Variants in HACD2 observed in about 807,000 individuals in gnomAD.
The protein encoded by HACD2 is 3-hydroxyacyl-CoA dehydratase 2.
A neutral mutation model predicts 31.0 loss-of-function variants in HACD2; 15 were observed. The observed-to-expected ratio is 0.48, with a 90% CI of 0.32 to 0.75. The LOEUF is 0.75. Ranked by LOEUF, HACD2 falls within the 30% of genes least tolerant of loss-of-function variation. The probability of loss-of-function intolerance (pLI) is 0.03; values close to 1 mark genes in which losing one functional copy is unlikely to be tolerated. For missense variants in HACD2, 283 were observed against 313.0 expected (o/e 0.90, Z 0.72); for synonymous variants, 115 against 122.2 (o/e 0.94, Z 0.39).
At chr3:123,567,416 A>T (rs949217815) in intron 3 of HACD2, among the ~76,000 whole-genome samples, 3 of 152,212 alleles carry the variant, frequency 2.0e-5, no homozygotes, top group African/African-American at 7.2e-5. Context: ...CATTTAAGTG[A>T]TCACAGAGAG....
intron 3 of HACD2, among the ~76,000 whole-genome samples, chr3:123,561,247 C>T (rs570023675): frequency 9.9e-5 from 15 of 152,182 alleles, no homozygotes; most frequent in Middle Eastern, 3.4e-3. Flanking sequence ...TGGAGCCATA[C>T]GCTACCGATG....
intron 1 of HACD2, among the ~76,000 whole-genome samples, chr3:123,582,966 C>T (rs1001161235): frequency 6.6e-6 from 1 of 152,056 alleles, no homozygotes; most frequent in Non-Finnish European, 1.5e-5. Flanking sequence ...ATTTTTGTTC[C>T]ACTGTCCTTC....
intron 3 of HACD2, among the ~76,000 whole-genome samples, chr3:123,550,478 G>T (rs1430594182): frequency 6.6e-6 from 1 of 152,162 alleles, no homozygotes; most frequent in Non-Finnish European, 1.5e-5. Flanking sequence ...AAGAGGCTTT[G>T]TTTTTTGTTT....
intron 3 of HACD2, among the ~76,000 whole-genome samples, chr3:123,557,398 T>C (rs984385436): frequency 1.3e-5 from 2 of 152,188 alleles, no homozygotes; most frequent in Non-Finnish European, 1.5e-5. Context: ...CCTTAAAAGA[T>C]ACTTTACCAG....
At chr3:123,528,505 T>A in intron 3 of HACD2, 31 bp from the exon 4 acceptor site, 1 of 1,217,432 alleles carries the variant, frequency 8.2e-7, no homozygotes, top group Middle Eastern at 2.0e-4. Context: ...GATAAATAAA[T>A]GTACTGTACT....
At chr3:123,560,594 T>C (rs983405935) in intron 3 of HACD2, among the ~76,000 whole-genome samples, 15 of 152,166 alleles carry the variant, frequency 9.9e-5, no homozygotes, top group Middle Eastern at 3.2e-3. Context: ...TAAATCTGAA[T>C]AAGAAATGTT....
chr3:123,537,884 AATC>A (rs141561852), intron 3 of HACD2, among the ~76,000 whole-genome samples: 14,851 of 152,192 alleles, frequency 0.098, 1,020 homozygotes, highest in African/African-American at 0.2. Flanking sequence ...AAATTAAAAA[AATC>A]ATTATTCTTA....
chr3:123,521,151 C>A (rs2056209636), intron 4 of HACD2, among the ~76,000 whole-genome samples: 1 of 152,064 alleles, frequency 6.6e-6, no homozygotes, highest in Admixed American at 6.5e-5. Context: ...ACAAGCTTGT[C>A]AAAAATTTCA....
chr3:123,525,706 C>T (rs1410364958), intron 4 of HACD2, among the ~76,000 whole-genome samples: 1 of 152,090 alleles, frequency 6.6e-6, no homozygotes, highest in Non-Finnish European at 1.5e-5. Flanking sequence ...AATTCTTGTC[C>T]ACTTTAGAGG....
chr3:123,498,173 G>A (rs868758851), intron 6 of HACD2, among the ~76,000 whole-genome samples: 3 of 152,220 alleles, frequency 2.0e-5, no homozygotes, highest in Non-Finnish European at 4.4e-5. Context: ...GGTAGTCTGT[G>A]TGCCATCTTG....
At chr3:123,540,527 G>T (rs1484295939) in intron 3 of HACD2, among the ~76,000 whole-genome samples, 3 of 152,152 alleles carry the variant, frequency 2.0e-5, no homozygotes, top group Non-Finnish European at 4.4e-5. Context: ...TGAAAAAGAT[G>T]AAAATGTGAA....
chr3:123,569,111 T>C (rs770673516), intron 2 of HACD2, among the ~76,000 whole-genome samples: 1 of 152,116 alleles, frequency 6.6e-6, no homozygotes, highest in Non-Finnish European at 1.5e-5. Context: ...GTGGGGAGAT[T>C]GGATTAAAAA....
At chr3:123,528,606 G>A (rs565786448) in intron 3 of HACD2, 132 bp from the exon 4 acceptor site, 1 of 616,842 alleles carries the variant, frequency 1.6e-6, no homozygotes, top group Non-Finnish European at 2.9e-6. Context: ...TGTCTATATT[G>A]TTACACAGAC....
At chr3:123,562,233 C>G (rs2056737144) in intron 3 of HACD2, among the ~76,000 whole-genome samples, 1 of 152,174 alleles carries the variant, frequency 6.6e-6, no homozygotes, top group Non-Finnish European at 1.5e-5. Flanking sequence ...ATTATCAATA[C>G]AAAACAAACC....
intron 3 of HACD2, among the ~76,000 whole-genome samples, chr3:123,567,201 C>T (rs1459895648): frequency 3.3e-5 from 5 of 152,122 alleles, no homozygotes; most frequent in African/African-American, 1.2e-4. Context: ...AGACGTTATG[C>T]CTCTATTCCA....
intron 3 of HACD2, among the ~76,000 whole-genome samples, chr3:123,546,354 CT>C (rs1266918286): frequency 1.3e-5 from 2 of 152,190 alleles, no homozygotes; most frequent in African/African-American, 4.8e-5. Context: ...TGCTTACCCA[CT>C]ATACAATGTC....
chr3:123,521,439 C>T (rs1352259114), intron 4 of HACD2, among the ~76,000 whole-genome samples: 1 of 152,130 alleles, frequency 6.6e-6, no homozygotes, highest in Non-Finnish European at 1.5e-5. Flanking sequence ...GGATATTTTT[C>T]TCTGGGGCTC....
intron 2 of HACD2, among the ~76,000 whole-genome samples, chr3:123,575,639 C>T (rs1300313730): frequency 1.3e-5 from 2 of 152,200 alleles, no homozygotes; most frequent in Non-Finnish European, 2.9e-5. Flanking sequence ...TGGTAAGGTG[C>T]TTTCAAAGTT....
intron 5 of HACD2, among the ~76,000 whole-genome samples, chr3:123,502,289 A>ATTTTTT (rs144325698): frequency 0.035 from 5,331 of 152,236 alleles, 100 homozygotes; most frequent in Middle Eastern, 0.082. Context: ...TGGTGATGAA[A>ATTTTTT]TTTTTTAAAA....
Sources: gnomAD v4.1 joint callset for allele counts (sites outside exome capture counted in the v4.1 genomes callset) on GRCh38, gnomAD v4.1.1 for gene constraint, MANE v1.5 for transcripts, NCBI Gene and HGNC (gene_info 2026-07-23, HGNC 2026-07-21) for gene names.